The following SPAG17 variants were observed in gnomAD, a reference collection of about 807,000 sequenced individuals.
The protein encoded by SPAG17 is sperm associated antigen 17, also known as sperm-associated antigen 17.
A neutral mutation model predicts 273.6 loss-of-function variants in SPAG17; 169 were observed. The ratio of observed to expected loss-of-function variants is 0.62; its 90% CI spans 0.55 to 0.70. SPAG17 has a LOEUF of 0.70. Ranked by LOEUF, SPAG17 falls within the 30% of genes least tolerant of loss-of-function variation. SPAG17 has a pLI of 0.00. For missense variants in SPAG17, 2,557 were observed against 2,627.8 expected, an observed-to-expected ratio of 0.97 and a Z score of 0.59; for synonymous variants, 825 against 873.2, an observed-to-expected ratio of 0.94 and a Z score of 0.97.
chr1:118,058,416 A>G (rs1651932297), intron 18 of SPAG17, among the ~76,000 whole-genome samples: 2 of 152,184 alleles, frequency 1.3e-5, no homozygotes, highest in Admixed American at 1.3e-4. Context: ...CATGTTGCCC[A>G]GGCTGGTTTG....
intron 20 of SPAG17, among the ~76,000 whole-genome samples, chr1:118,048,812 C>T (rs1260003717): frequency 6.6e-6 from 1 of 152,100 alleles, no homozygotes; most frequent in East Asian, 1.9e-4. Flanking sequence ...ACAAGAATTG[C>T]TTAAACCCAG....
In SPAG17 at chr1:117,998,735, C is replaced by T. The variant is rs576703471; in HGVS notation, c.4777-1992G>A. On this transcript the variant is annotated intron_variant, in intron 32 of 48. Transcript: ENST00000336338. ...TTGTGTCATCTCTGATTTCTCTTAT[C>T]AATGTTTTGTAATTCTCAGTGTAGA... 6.6e-5 allele frequency among the ~76,000 whole-genome samples: 10 copies of T among 152,162 alleles called. 1 individual carries two copies. In the East Asian group the frequency reaches 1.9e-3, roughly 29 times the overall value.
intron 28 of SPAG17, 113 bp downstream of exon 28, chr1:118,023,191 A>C (rs1647306685): frequency 3.1e-6 from 2 of 651,896 alleles, no homozygotes; most frequent in Non-Finnish European, 4.7e-6. Context: ...AGAATATATA[A>C]ATATATTTGT....
chr1:117,998,629 T>G (rs1657925952), intron 32 of SPAG17, among the ~76,000 whole-genome samples: 1 of 152,204 alleles, frequency 6.6e-6, no homozygotes, highest in Admixed American at 6.5e-5. Flanking sequence ...GTCTTGAATC[T>G]GTAAATTGCT....
At chr1:117,970,739 T>C (rs930512697) in intron 45 of SPAG17, among the ~76,000 whole-genome samples, 6 of 152,192 alleles carry the variant, frequency 3.9e-5, no homozygotes, top group African/African-American at 1.4e-4. Flanking sequence ...ACACTGCTTC[T>C]TCCTCCATCA....
At chr1:118,074,041 AC>A in intron 16 of SPAG17, 74 bp from the exon 17 acceptor site, 3 of 948,904 alleles carry the variant, frequency 3.2e-6, no homozygotes, top group Non-Finnish European at 4.7e-6. Context: ...GGCTCCGTCA[AC>A]TAACCAGTAT....
chr1:117,969,952 A>T, intron 46 of SPAG17, 104 bp downstream of exon 46: 1 of 1,016,794 alleles, frequency 9.8e-7, no homozygotes, highest in Non-Finnish European at 1.5e-6. Context: ...TACATAGTTT[A>T]AAAGGAATGG....
chr1:117,958,828 TTG>T, intron 48 of SPAG17: 1 of 925,124 alleles, frequency 1.1e-6, no homozygotes, highest in Non-Finnish European at 1.7e-6. Context: ...TGCTTTGATA[TTG>T]TGTCTGTTTA....
At chr1:118,158,441 C>T (rs1659759400) in intron 1 of SPAG17, among the ~76,000 whole-genome samples, 1 of 152,140 alleles carries the variant, frequency 6.6e-6, no homozygotes, top group African/African-American at 2.4e-5. Context: ...TGTGGATCTG[C>T]TTACTTGGCT....
chr1:118,041,195 C>T (rs548656793), intron 21 of SPAG17, among the ~76,000 whole-genome samples: 1 of 152,134 alleles, frequency 6.6e-6, no homozygotes, highest in South Asian at 2.1e-4. Context: ...GTGGACACTC[C>T]ACTTTAGGAG....
intron 30 of SPAG17, among the ~76,000 whole-genome samples, chr1:118,010,093 TG>T (rs991082597): frequency 6.6e-6 from 1 of 151,954 alleles, no homozygotes; most frequent in Non-Finnish European, 1.5e-5. Context: ...GGTGAGGAAT[TG>T]GGGAGATGTT....
At chr1:118,099,001 A>C (rs554043235) in intron 6 of SPAG17, among the ~76,000 whole-genome samples, 2 of 152,312 alleles carry the variant, frequency 1.3e-5, no homozygotes, top group East Asian at 3.9e-4. Context: ...ACCAAATTCT[A>C]GTTCTATTTC....
chr1:118,058,567 G>A (rs1475829918), intron 18 of SPAG17, among the ~76,000 whole-genome samples: 1 of 152,174 alleles, frequency 6.6e-6, no homozygotes, highest in Non-Finnish European at 1.5e-5. Flanking sequence ...ATAGAAGTGT[G>A]GCAGATGGCA....
intron 3 of SPAG17, among the ~76,000 whole-genome samples, chr1:118,126,283 G>A (rs568668862): frequency 1.3e-4 from 18 of 140,578 alleles, no homozygotes; most frequent in Non-Finnish European, 2.4e-4. Context: ...TCGGCTCACT[G>A]CAAGCTCCAC....
rs1448120058 is a variant in SPAG17 at position 118,183,594 on chromosome 1, T to A, written c.87+1477A>T. Among the ~76,000 whole-genome samples, 3 of 152,240 alleles carry A rather than the reference T, an allele frequency of 2.0e-5. No individual in the cohort carries two copies. The East Asian group carries it at 5.8e-4, about 29-fold the overall frequency. On this transcript the variant is annotated intron_variant, in intron 1 of 48. Transcript: ENST00000336338. ...TACATAAGATTTATTGAAGTTATAT[T>A]GTTTGAGTAGGATCAAGAAAGCTGA...
At chr1:117,993,179 T>C (rs1401848555) in intron 35 of SPAG17, among the ~76,000 whole-genome samples, 1 of 152,162 alleles carries the variant, frequency 6.6e-6, no homozygotes, top group African/African-American at 2.4e-5. Flanking sequence ...TCACATTATA[T>C]GTTATACTTG....
intron 10 of SPAG17, among the ~76,000 whole-genome samples, chr1:118,088,402 AAAT>A (rs1471422583): frequency 6.6e-6 from 1 of 152,198 alleles, no homozygotes; most frequent in African/African-American, 2.4e-5. Context: ...AAGATAAATA[AAAT>A]AATGATACTG....
intron 10 of SPAG17, among the ~76,000 whole-genome samples, chr1:118,089,692 TAG>T (rs1321338042): frequency 6.6e-6 from 1 of 152,168 alleles, no homozygotes; most frequent in Non-Finnish European, 1.5e-5. Flanking sequence ...GCAGATTCAC[TAG>T]GTTTTAAGTC....
intron 1 of SPAG17, among the ~76,000 whole-genome samples, chr1:118,155,884 G>C (rs1042355149): frequency 2.0e-5 from 3 of 152,188 alleles, no homozygotes; most frequent in Non-Finnish European, 2.9e-5. Flanking sequence ...CCATCAGCAA[G>C]GAGTGTTGGT....
Sources: allele counts gnomAD v4.1 joint callset (sites outside exome capture counted in the v4.1 genomes callset), GRCh38; gene constraint gnomAD v4.1.1; transcripts MANE v1.5; gene names NCBI Gene and HGNC (gene_info 2026-07-23, HGNC 2026-07-21).